Variants in COL23A1 observed in about 807,000 individuals in gnomAD.
The protein encoded by COL23A1 is collagen type XXIII alpha 1 chain, also known as collagen alpha-1(XXIII) chain.
Under a neutral mutation model 99.3 loss-of-function variants are expected in COL23A1, and 97 were observed. That is an observed-to-expected ratio of 0.98 (90% CI 0.83 to 1.16). The LOEUF (loss-of-function observed/expected upper bound fraction) is 1.16, where lower values mean the gene tolerates loss of function less well. Ranked by LOEUF, COL23A1 falls within the 50% of genes most tolerant of loss-of-function variation. COL23A1 has a pLI of 0.00. For missense variants in COL23A1, 762 were observed against 757.4 expected (o/e 1.01, Z -0.07); for synonymous variants, 320 against 308.2 (o/e 1.04, Z -0.40).
At chr5:178,372,251 G>A (rs1006093686) in intron 2 of COL23A1, among the ~76,000 whole-genome samples, 3 of 152,228 alleles carry the variant, frequency 2.0e-5, no homozygotes, top group African/African-American at 7.2e-5. Context: ...CAGGAGAGTG[G>A]TGCTGGGCTC....
intron 2 of COL23A1, among the ~76,000 whole-genome samples, chr5:178,311,877 C>T (rs940502966): frequency 6.6e-6 from 1 of 152,052 alleles, no homozygotes; most frequent in African/African-American, 2.4e-5. Context: ...ACCACAGGCA[C>T]GCGCCACCAT....
chr5:178,265,039 G>T (rs1755804062), intron 8 of COL23A1, among the ~76,000 whole-genome samples: 1 of 152,174 alleles, frequency 6.6e-6, no homozygotes, highest in Non-Finnish European at 1.5e-5. Flanking sequence ...GGGATTATTT[G>T]CCCAGGGTTA....
intron 2 of COL23A1, among the ~76,000 whole-genome samples, chr5:178,541,422 T>C (rs1168891036): frequency 6.6e-6 from 1 of 152,270 alleles, no homozygotes; most frequent in East Asian, 1.9e-4. Flanking sequence ...ACCCCGTCTC[T>C]ACCAGAAATA....
At chr5:178,368,470 T>C (rs1287218905) in intron 2 of COL23A1, among the ~76,000 whole-genome samples, 1 of 152,162 alleles carries the variant, frequency 6.6e-6, no homozygotes, top group African/African-American at 2.4e-5. Context: ...TAGTGTACGT[T>C]AGGGTTCACT....
intron 2 of COL23A1, among the ~76,000 whole-genome samples, chr5:178,500,809 C>T (rs1241826915): frequency 6.6e-6 from 1 of 151,768 alleles, no homozygotes. Flanking sequence ...GTTCCTTAAA[C>T]AAGAAACAAA....
At chr5:178,418,051 G>A (rs932253816) in intron 2 of COL23A1, among the ~76,000 whole-genome samples, 1 of 152,248 alleles carries the variant, frequency 6.6e-6, no homozygotes, top group Non-Finnish European at 1.5e-5. Context: ...GCCTGTGGAG[G>A]ACCCAGTGTC....
At chr5:178,358,075 T>A (rs1431258786) in intron 2 of COL23A1, among the ~76,000 whole-genome samples, 1 of 148,074 alleles carries the variant, frequency 6.8e-6, no homozygotes, top group South Asian at 2.2e-4. Flanking sequence ...ATTGTGTGTA[T>A]GTGTATGTAC....
intron 2 of COL23A1, among the ~76,000 whole-genome samples, chr5:178,410,375 C>G (rs1471220946): frequency 2.0e-5 from 3 of 152,162 alleles, no homozygotes; most frequent in Non-Finnish European, 1.5e-5. Context: ...AGCCAATCCT[C>G]AAATTCATAC....
Position 178,487,451 on chromosome 5 carries a change from C to T in COL23A1, c.361+73231G>A, listed in dbSNP as rs561682718. Among the ~76,000 whole-genome samples, 4 of 152,212 alleles carry T rather than the reference C, an allele frequency of 2.6e-5. No homozygotes were observed. The East Asian group carries it at 7.7e-4, about 29-fold the overall frequency. On this transcript the variant is annotated intron_variant, in intron 2 of 28. Coordinates refer to ENST00000390654, the MANE Select transcript of COL23A1 (RefSeq NM_173465.4). ...TCTCCTGCCTCAGCCTCCTGAGTAGCTGAGATTACAGGCGTGCAACCACCA... is the reference window on the plus strand; with the variant it reads ...TCTCCTGCCTCAGCCTCCTGAGTAGTTGAGATTACAGGCGTGCAACCACCA...
At chr5:178,482,895 C>T (rs1757417590) in intron 2 of COL23A1, among the ~76,000 whole-genome samples, 1 of 151,656 alleles carries the variant, frequency 6.6e-6, no homozygotes, top group Non-Finnish European at 1.5e-5. Flanking sequence ...GAGAGAGACT[C>T]CATCTCAAAA....
intron 2 of COL23A1, among the ~76,000 whole-genome samples, chr5:178,543,389 G>A (rs528910254): frequency 1.4e-4 from 22 of 152,244 alleles, no homozygotes; most frequent in Non-Finnish European, 2.4e-4. Context: ...TTACAGGCGT[G>A]AGCCACCGCG....
chr5:178,260,449 A>AG (rs1765566615), intron 11 of COL23A1, among the ~76,000 whole-genome samples: 2 of 152,206 alleles, frequency 1.3e-5, no homozygotes, highest in African/African-American at 4.8e-5. Flanking sequence ...ACACTGTCTG[A>AG]TTCCAACTAG....
intron 2 of COL23A1, among the ~76,000 whole-genome samples, chr5:178,492,581 C>A (rs12518108): frequency 0.37 from 55,577 of 151,634 alleles, 11,869 homozygotes; most frequent in Admixed American, 0.5. Context: ...CCAGGCCATA[C>A]AAAGGAATGA....
At chr5:178,392,274 C>T (rs1288378727) in intron 2 of COL23A1, among the ~76,000 whole-genome samples, 2 of 152,078 alleles carry the variant, frequency 1.3e-5, no homozygotes, top group African/African-American at 2.4e-5. Flanking sequence ...AAAGCAAAAG[C>T]AATCTGAATG....
intron 27 of COL23A1, among the ~76,000 whole-genome samples, 156 bp downstream of exon 27, chr5:178,241,886 G>A (rs1764420132): frequency 6.6e-6 from 1 of 152,284 alleles, no homozygotes; most frequent in Non-Finnish European, 1.5e-5. Context: ...GATGATGGCA[G>A]TAGCAGCAGC....
At chr5:178,341,564 T>C (rs961444079) in intron 2 of COL23A1, among the ~76,000 whole-genome samples, 1 of 152,220 alleles carries the variant, frequency 6.6e-6, no homozygotes, top group Admixed American at 6.5e-5. Flanking sequence ...GCAGATGTTT[T>C]CCACGGATGG....
At chr5:178,300,357 C>T (rs2127596270) in intron 3 of COL23A1, among the ~76,000 whole-genome samples, 1 of 152,144 alleles carries the variant, frequency 6.6e-6, no homozygotes. Context: ...TGAGCCACTG[C>T]ACCCGGCCTC....
At chr5:178,279,046 G>T (rs954635893) in intron 5 of COL23A1, among the ~76,000 whole-genome samples, 16 of 152,150 alleles carry the variant, frequency 1.1e-4, no homozygotes, top group African/African-American at 3.4e-4. Context: ...TGAAGATCTG[G>T]AGCTCGGAGA....
intron 5 of COL23A1, among the ~76,000 whole-genome samples, chr5:178,271,595 A>G (rs1756289716): frequency 6.6e-6 from 1 of 152,162 alleles, no homozygotes; most frequent in Non-Finnish European, 1.5e-5. Flanking sequence ...TGCCTCTGGT[A>G]TTGGATGGGG....
Sources: gnomAD v4.1 joint callset for allele counts (sites outside exome capture counted in the v4.1 genomes callset) on GRCh38, gnomAD v4.1.1 for gene constraint, MANE v1.5 for transcripts, NCBI Gene and HGNC (gene_info 2026-07-23, HGNC 2026-07-21) for gene names.